The following MAN1B1 variants were observed in gnomAD, a reference collection of about 807,000 sequenced individuals.
The protein encoded by MAN1B1 is mannosidase alpha class 1B member 1, also known as endoplasmic reticulum mannosyl-oligosaccharide 1,2-alpha-mannosidase.
Under a neutral mutation model 75.5 loss-of-function variants are expected in MAN1B1, and 66 were observed. The observed-to-expected ratio is 0.87, with a 90% CI of 0.72 to 1.07. MAN1B1 has a LOEUF of 1.07. MAN1B1 is among the 50% of genes least tolerant of loss of function. The pLI, the probability that MAN1B1 is intolerant of heterozygous loss-of-function variation, is 0.00. For synonymous variants in MAN1B1, 453 were observed against 382.8 expected (o/e 1.18, Z -2.14); for missense variants, 973 against 912.5 (o/e 1.07, Z -0.85).
chr9:137,087,163 G>A lies in MAN1B1; in HGVS notation c.164G>A (p.Ser55Asn). The change falls in exon 1 of 13, where the codon AGC becomes AAC. Residue 55 changes from serine (S) to asparagine (N), a missense_variant. Coordinates refer to ENST00000371589, the MANE Select transcript of MAN1B1 (RefSeq NM_016219.5). ...CGGGACTTCATCTCGGTGACGCTGA[G>A]CTTTGGCGAGAACTATGACAACAGC... ...PHRDFISVTL[S>N]FGENYDNSKS... is the part of the protein sequence containing the mutation. 6.3e-7 allele frequency: 1 copy of A among 1,595,060 alleles called. No homozygotes were observed. Among genetic ancestry groups the A allele is most frequent in the Non-Finnish European group, 8.5e-7 (1 of 1,171,812 alleles).
rs1392191518 is a variant in MAN1B1 at position 137,108,987 on chromosome 9, C to T, written c.*396C>T. Reference sequence around the variant, plus strand: ...CGTGAAGCCTCAGATGTCCCCAATCCAAGGGTCTGGAGGGGCTGCCGTGAC... The same window carrying T: ...CGTGAAGCCTCAGATGTCCCCAATCTAAGGGTCTGGAGGGGCTGCCGTGAC... On this transcript the variant is annotated 3_prime_UTR_variant, in exon 13 of 13. Coordinates refer to ENST00000371589, the MANE Select transcript of MAN1B1 (RefSeq NM_016219.5). 4.3e-6 allele frequency: 2 copies of T among 462,802 alleles called. No individual in the cohort carries two copies. Among genetic ancestry groups the T allele is most frequent in the South Asian group, 3.1e-5 (2 of 64,594 alleles). 28.7% of individuals were successfully genotyped at this position (462,802 alleles called of 1,614,324 possible).
At chr9:137,095,995 TC>T (rs1205109916) in intron 3 of MAN1B1, among the ~76,000 whole-genome samples, 1 of 152,158 alleles carries the variant, frequency 6.6e-6, no homozygotes, top group African/African-American at 2.4e-5. Flanking sequence ...TTGGAAATAT[TC>T]CCACCGTGGG....
intron 2 of MAN1B1, 120 bp downstream of exon 2, chr9:137,088,303 A>C (rs766446538): frequency 1.2e-6 from 2 of 1,608,762 alleles, no homozygotes; most frequent in Non-Finnish European, 1.7e-6. Flanking sequence ...ATTGGCAAGA[A>C]ATCAAGATAA....
chr9:137,101,981 G>T (rs760094807), intron 8 of MAN1B1: 4 of 549,478 alleles, frequency 7.3e-6, no homozygotes, highest in Non-Finnish European at 1.4e-5. Flanking sequence ...ACATGCTGTT[G>T]CAGGAGTACA....
intron 5 of MAN1B1, among the ~76,000 whole-genome samples, chr9:137,099,456 G>T (rs1018089973): frequency 2.0e-5 from 3 of 152,360 alleles, no homozygotes; most frequent in African/African-American, 7.2e-5. Flanking sequence ...CGGGTGACAG[G>T]TGCCATCCTG....
At chr9:137,101,815 T>C in intron 8 of MAN1B1, 143 bp downstream of exon 8, 2 of 1,039,606 alleles carry the variant, frequency 1.9e-6, no homozygotes, top group Non-Finnish European at 2.9e-6. Flanking sequence ...CGCACCACCT[T>C]AACCATTTCC....
intron 2 of MAN1B1, chr9:137,088,403 G>A (rs1830435213): frequency 6.3e-7 from 1 of 1,575,362 alleles, no homozygotes. Context: ...TCTGGTGTAA[G>A]TACTGATATG....
At chr9:137,096,421 C>T in intron 4 of MAN1B1, 30 bp downstream of exon 4, 1 of 1,609,950 alleles carries the variant, frequency 6.2e-7, no homozygotes, top group Non-Finnish European at 8.5e-7. Flanking sequence ...CTGCACGCCG[C>T]CGCTCAGGGC....
chr9:137,098,741 C>T (rs966866278), intron 5 of MAN1B1, among the ~76,000 whole-genome samples: 2 of 152,110 alleles, frequency 1.3e-5, no homozygotes, highest in Non-Finnish European at 2.9e-5. Flanking sequence ...CGTGGTGGCT[C>T]ACACTTGTAA....
chr9:137,105,393 A>G, intron 8 of MAN1B1: 1 of 178,506 alleles, frequency 5.6e-6, no homozygotes, highest in Non-Finnish European at 1.2e-5. Context: ...AGACATTTAG[A>G]AGGCGTTTTC....
chr9:137,104,345 C>T (rs537036633), intron 8 of MAN1B1: 79 of 303,992 alleles, frequency 2.6e-4, no homozygotes, highest in African/African-American at 1.6e-3. Flanking sequence ...AGTGATTCTC[C>T]TGCCTCAGCC....
chr9:137,090,969 G>A (rs1246095521), intron 3 of MAN1B1, among the ~76,000 whole-genome samples: 1 of 152,208 alleles, frequency 6.6e-6, no homozygotes, highest in African/African-American at 2.4e-5. Flanking sequence ...TCCTGTCGCT[G>A]AGCAGCTTCT....
Position 137,108,490 on chromosome 9 carries a change from T to C in MAN1B1, c.1999T>C (p.Tyr667His). 6.2e-7 allele frequency: 1 copy of C among 1,613,948 alleles called. No individual in the cohort carries two copies. Among genetic ancestry groups the C allele is most frequent in the Non-Finnish European group, 8.5e-7 (1 of 1,180,004 alleles). Residue 667 changes from tyrosine to histidine, a missense_variant, in exon 13 of 13, where the codon TAT (tyrosine) becomes CAT (histidine). Physicochemically the swap from Tyr to His is moderately conservative, Grantham distance 83. Coordinates refer to ENST00000371589, the MANE Select transcript of MAN1B1 (RefSeq NM_016219.5). The part of the protein sequence containing the change: ...ESFFLGETLK[Y>H]LFLLFSDDPN... ...CTTCTTCCTGGGGGAGACGCTCAAG[T>C]ATCTGTTCTTGCTCTTCTCCGATGA...
chr9:137,089,376 CAGTGG>C, intron 3 of MAN1B1: 1 of 348,310 alleles, frequency 2.9e-6, no homozygotes, highest in Non-Finnish European at 5.5e-6. Flanking sequence ...TGGTGAAGAA[CAGTGG>C]CTGGTCCTGA....
rs1048634322 is a variant in MAN1B1, at chr9:137,104,215, A to C, written c.1255-1910A>C. On this transcript the variant is annotated intron_variant, in intron 8 of 12. Coordinates refer to ENST00000371589, the MANE Select transcript of MAN1B1 (RefSeq NM_016219.5). ...TGTGTGGAGTTCCTCGTGTGAGTGCAGTCACACACGATTTGTCCTTTTTTT... is the reference window on the plus strand; with the variant it reads ...TGTGTGGAGTTCCTCGTGTGAGTGCCGTCACACACGATTTGTCCTTTTTTT... 5 of 374,058 alleles carry C rather than the reference A, an allele frequency of 1.3e-5. No homozygotes were observed. The Admixed American group carries it at 1.7e-4, about 13-fold the overall frequency. The allele number at this position is 374,058 out of a possible 1,614,324, so 23.2% of individuals were successfully genotyped here.
In MAN1B1 at chr9:137,108,717, G is replaced by A. The variant is rs867335750; in HGVS notation, c.*126G>A. On this transcript the variant is annotated 3_prime_UTR_variant, in exon 13 of 13. Coordinates refer to ENST00000371589, the MANE Select transcript of MAN1B1 (RefSeq NM_016219.5). The stretch of plus-strand genomic sequence containing the variant: ...GGCCCAGGCTCTGAACTGGCTCTGG[G>A]CTCCTCCTCGTCTCTGCTTTAATCA... 1 of 858,060 alleles carries A rather than the reference G, an allele frequency of 1.2e-6. No homozygotes were observed. Among genetic ancestry groups the A allele is most frequent in the East Asian group, 2.5e-5 (1 of 40,202 alleles). 53.2% of individuals were successfully genotyped at this position (858,060 alleles called of 1,614,324 possible).
In MAN1B1 at chr9:137,108,368, A is replaced by T. The variant is rs1023341268; in HGVS notation, c.1897-20A>T. The T allele has an allele frequency of 1.6e-5, 26 of 1,610,034 alleles. No homozygotes were observed. The highest frequency in any genetic ancestry group is 2.2e-5 in the Non-Finnish European group (26 of 1,177,060). On this transcript the variant is annotated intron_variant, in intron 12 of 12. Transcript: ENST00000371589. ...GCAGGGTGCCCCCCGTGTGGTGACG[A>T]GGCCCTGGCTGCTGCACAGGTCCCC...
chr9:137,087,395 C>T, intron 1 of MAN1B1, 177 bp downstream of exon 1: 1 of 837,164 alleles, frequency 1.2e-6, no homozygotes, highest in East Asian at 2.7e-5. Context: ...CCGTGGGCGG[C>T]TCGCCTGCAG....
chr9:137,103,943 G>A (rs1453769478), intron 8 of MAN1B1: 1 of 452,670 alleles, frequency 2.2e-6, no homozygotes, highest in Non-Finnish European at 4.4e-6. Flanking sequence ...GCTGTTGCAG[G>A]CGTGCAGGTC....
Sources: gnomAD v4.1 joint callset for allele counts (sites outside exome capture counted in the v4.1 genomes callset) on GRCh38, gnomAD v4.1.1 for gene constraint, MANE v1.5 for transcripts, NCBI Gene and HGNC (gene_info 2026-07-23, HGNC 2026-07-21) for gene names.